XRN1: variants seen among roughly 807,000 people sequenced by gnomAD.
XRN1 encodes strand-exchange protein 1 homolog.
Under a neutral mutation model 222.3 loss-of-function variants are expected in XRN1, and 67 were observed. That is an observed-to-expected ratio of 0.30 (90% CI 0.25 to 0.37). XRN1 has a LOEUF of 0.37. XRN1 is among the 10% of genes least tolerant of loss of function. The pLI is 1.00. For synonymous variants in XRN1, 643 were observed against 652.4 expected (o/e 0.99, Z 0.22); for missense variants, 1,707 against 2,000.2 (o/e 0.85, Z 2.80).
In XRN1 at chr3:142,403,877, T is replaced by G; in HGVS notation, c.1996A>C (p.Arg666=). 7 of 1,613,192 alleles carry G rather than the reference T, an allele frequency of 4.3e-6. No homozygotes were observed. Among genetic ancestry groups the G allele is most frequent in the Non-Finnish European group, 5.1e-6 (6 of 1,179,548 alleles). ...ACTAAATAGCCACTGACTTTGTGTC[T>G]GATGTGTTTCAGAGTAGGAAATCCA... is the stretch of plus-strand genomic sequence containing the variant. ...FCGFPTLKHI[R]HKFFLKKSGV... Residue 666 remains arginine (R), a synonymous_variant, in exon 17 of 41, where the codon AGA becomes CGA. Transcript: ENST00000392981.
intron 13 of XRN1, 79 bp downstream of exon 13, chr3:142,417,061 A>G: frequency 9.8e-7 from 1 of 1,023,000 alleles, no homozygotes; most frequent in Non-Finnish European, 1.4e-6. Context: ...AAATAAAAGG[A>G]AGTGCTTCCT....
chr3:142,411,721 T>A (rs2068588199), intron 15 of XRN1, among the ~76,000 whole-genome samples: 1 of 152,192 alleles, frequency 6.6e-6, no homozygotes, highest in South Asian at 2.1e-4. Flanking sequence ...CTATTTAGTT[T>A]CAAAATGTAT....
intron 18 of XRN1, among the ~76,000 whole-genome samples, chr3:142,402,417 A>T (rs2068177788): frequency 6.6e-6 from 1 of 152,148 alleles, no homozygotes; most frequent in Non-Finnish European, 1.5e-5. Flanking sequence ...TCCTGACCTC[A>T]GATGATATGC....
At chr3:142,334,577 A>C (rs2065794033) in intron 34 of XRN1, among the ~76,000 whole-genome samples, 1 of 151,814 alleles carries the variant, frequency 6.6e-6, no homozygotes, top group Non-Finnish European at 1.5e-5. Flanking sequence ...ATTCCACAGA[A>C]GTTAGCCTGT....
intron 1 of XRN1, among the ~76,000 whole-genome samples, chr3:142,439,244 G>A (rs187410703): frequency 6.6e-5 from 10 of 152,248 alleles, no homozygotes; most frequent in East Asian, 1.9e-4. Flanking sequence ...GAGAAGTGCC[G>A]CCATAACTGC....
intron 39 of XRN1, among the ~76,000 whole-genome samples, chr3:142,314,384 TA>T (rs962690300): frequency 6.6e-6 from 1 of 152,142 alleles, no homozygotes; most frequent in African/African-American, 2.4e-5. Flanking sequence ...ACATTCCTCT[TA>T]AAAAATATAT....
At chr3:142,428,781 T>G (rs1430717245) in intron 2 of XRN1, among the ~76,000 whole-genome samples, 1 of 152,172 alleles carries the variant, frequency 6.6e-6, no homozygotes, top group Non-Finnish European at 1.5e-5. Context: ...CTAAATATGT[T>G]AACCCTGAAG....
chr3:142,345,761 C>T (rs1392655326), intron 33 of XRN1, among the ~76,000 whole-genome samples: 1 of 152,050 alleles, frequency 6.6e-6, no homozygotes, highest in Non-Finnish European at 1.5e-5. Context: ...TGACATTTCT[C>T]CAAAGATGAT....
At chr3:142,384,247 G>A (rs570648192) in intron 21 of XRN1, among the ~76,000 whole-genome samples, 23 of 149,392 alleles carry the variant, frequency 1.5e-4, no homozygotes, top group African/African-American at 4.7e-4. Context: ...ACTCCAGCCC[G>A]GGCAACAGAG....
chr3:142,359,006 G>A (rs1261230686), intron 30 of XRN1, among the ~76,000 whole-genome samples: 3 of 152,144 alleles, frequency 2.0e-5, no homozygotes, highest in African/African-American at 7.2e-5. Context: ...ACCTAGGGAA[G>A]TATGTATATA....
chr3:142,382,588 A>G (rs961587770), intron 22 of XRN1, among the ~76,000 whole-genome samples: 1 of 152,162 alleles, frequency 6.6e-6, no homozygotes, highest in African/African-American at 2.4e-5. Context: ...AAGATGTTCC[A>G]GGTTCATCTT....
At chr3:142,349,337 G>A (rs191093238) in intron 32 of XRN1, among the ~76,000 whole-genome samples, 16 of 152,186 alleles carry the variant, frequency 1.1e-4, no homozygotes, top group Non-Finnish European at 2.2e-4. Context: ...GACTACAGCA[G>A]TACATTATGG....
In XRN1 at chr3:142,328,703, TTATATATATATATATATATATA is replaced by T. The variant is rs67278209; in HGVS notation, c.4404+709_4404+730del. On this transcript the variant is annotated intron_variant, in intron 37 of 40. Coordinates refer to ENST00000392981, the MANE Select transcript of XRN1 (RefSeq NM_001282857.2). ...TAAACATATAGGTTTACTTGTAATA[TTATATATATATATATATATATA>T]TATATATATATATATATATATATAT... Among the ~76,000 whole-genome samples, 278 of 47,146 alleles carry T rather than the reference TTATATATATATATATATATATA, an allele frequency of 5.9e-3. 11 individuals are homozygous for T. The highest frequency in any genetic ancestry group is 0.01 in the Non-Finnish European group (199 of 19,656). 30.9% of individuals were successfully genotyped at this position (47,146 alleles called of 152,430 possible).
chr3:142,404,244 T>A (rs1471906839), intron 16 of XRN1, among the ~76,000 whole-genome samples: 1 of 152,134 alleles, frequency 6.6e-6, no homozygotes, highest in Non-Finnish European at 1.5e-5. Flanking sequence ...ATATAAATTT[T>A]AAGATAAAAT....
intron 32 of XRN1, among the ~76,000 whole-genome samples, chr3:142,353,202 T>C (rs1284849579): frequency 6.6e-6 from 1 of 152,220 alleles, no homozygotes; most frequent in Non-Finnish European, 1.5e-5. Flanking sequence ...ATTTAAAATA[T>C]AGTTACTATG....
At chr3:142,444,917 A>C (rs2070437591) in intron 1 of XRN1, among the ~76,000 whole-genome samples, 1 of 152,188 alleles carries the variant, frequency 6.6e-6, no homozygotes, top group Non-Finnish European at 1.5e-5. Flanking sequence ...CTAATATACC[A>C]TGTCTATTTT....
chr3:142,405,449 T>C (rs926883001), intron 15 of XRN1, among the ~76,000 whole-genome samples: 1 of 152,172 alleles, frequency 6.6e-6, no homozygotes, highest in African/African-American at 2.4e-5. Flanking sequence ...TATAGTGATG[T>C]CCATCTTTCC....
At chr3:142,445,646 T>G (rs1404846020) in intron 1 of XRN1, among the ~76,000 whole-genome samples, 1 of 152,230 alleles carries the variant, frequency 6.6e-6, no homozygotes, top group Non-Finnish European at 1.5e-5. Context: ...CTTCTCTTCT[T>G]GTCTCTATTG....
intron 37 of XRN1, among the ~76,000 whole-genome samples, chr3:142,320,985 T>C (rs986496977): frequency 2.0e-5 from 3 of 152,114 alleles, no homozygotes; most frequent in Non-Finnish European, 4.4e-5. Flanking sequence ...TACATTTAGG[T>C]ATTTGATCCA....
Sources: gnomAD v4.1 joint callset for allele counts (sites outside exome capture counted in the v4.1 genomes callset) on GRCh38, gnomAD v4.1.1 for gene constraint, MANE v1.5 for transcripts, NCBI Gene and HGNC (gene_info 2026-07-23, HGNC 2026-07-21) for gene names.